The following ANKRD30B variants were observed in gnomAD, a reference collection of about 807,000 sequenced individuals.
The protein encoded by ANKRD30B is ankyrin repeat domain 30B.
ANKRD30B carries 144 observed loss-of-function variants against 202.2 expected under a neutral mutation model. That is an observed-to-expected ratio of 0.71 (90% confidence interval 0.62 to 0.82). The LOEUF is 0.82. Among genes scored for constraint, ANKRD30B ranks in the 40% least tolerant of loss-of-function variants. The pLI is 0.00. For synonymous variants in ANKRD30B, 508 were observed against 561.3 expected (o/e 0.91, Z 1.34); for missense variants, 1,487 against 1,669.1 (o/e 0.89, Z 1.90).
chr18:14,791,334 A>C, intron 15 of ANKRD30B, 67 bp from the exon 16 acceptor site: 2 of 1,361,004 alleles, frequency 1.5e-6, no homozygotes, highest in East Asian at 4.7e-5. Flanking sequence ...TCTAGTTAGA[A>C]AATTTTGATA....
the ANKRD30B span, among the ~76,000 whole-genome samples, chr18:14,864,931 C>T: frequency 6.6e-6 from 1 of 151,940 alleles, no homozygotes; most frequent in South Asian, 2.1e-4. Context: ...CAATTTTTCC[C>T]TGCCACCTTC....
chr18:14,793,653 G>T (rs1208628773), intron 16 of ANKRD30B, among the ~76,000 whole-genome samples: 1 of 152,084 alleles, frequency 6.6e-6, no homozygotes, highest in Non-Finnish European at 1.5e-5. Flanking sequence ...CCAGCACTTT[G>T]GGAGGCCGAG....
Position 14,779,961 on chromosome 18 carries a change from T to C in ANKRD30B, c.1422T>C (p.Asp474=). The stretch of plus-strand genomic sequence containing the variant: ...TGTATCTGTGATTAACATTTTTAGA[T>C]CAGATGTTCCCATCAGAATCCAAAC... ...DIKTINHKIE[D]QMFPSESKRE... Residue 474 remains aspartate (D), a splice_region_variant and synonymous_variant, in exon 11 of 44, where the codon GAT becomes GAC. Transcript: ENST00000690538. The C allele has an allele frequency of 1.3e-6, 2 of 1,596,926 alleles. No individual in the cohort carries two copies. Among genetic ancestry groups the C allele is most frequent in the Non-Finnish European group, 8.6e-7 (1 of 1,166,608 alleles).
chr18:14,922,484 T>A, the ANKRD30B span, among the ~76,000 whole-genome samples: 2 of 151,028 alleles, frequency 1.3e-5, no homozygotes, highest in Non-Finnish European at 3.0e-5. Flanking sequence ...TGAAACCCCA[T>A]CTCTACTAAA....
intron 39 of ANKRD30B, among the ~76,000 whole-genome samples, chr18:14,844,696 A>G (rs970699902): frequency 6.6e-6 from 1 of 152,170 alleles, no homozygotes; most frequent in Non-Finnish European, 1.5e-5. Context: ...TTACACTCCC[A>G]CCAACAGTGT....
the ANKRD30B span, among the ~76,000 whole-genome samples, chr18:14,861,433 T>G: frequency 2.0e-5 from 3 of 151,024 alleles, no homozygotes; most frequent in Non-Finnish European, 4.4e-5. Flanking sequence ...AAAATATTCA[T>G]CACATAAATG....
the ANKRD30B span, among the ~76,000 whole-genome samples, chr18:14,899,434 T>C: frequency 6.6e-6 from 1 of 152,172 alleles, no homozygotes; most frequent in Non-Finnish European, 1.5e-5. Flanking sequence ...ATTAAAATTC[T>C]TTCTATGCTT....
At chr18:14,749,116 A>G (rs937500976) in intron 1 of ANKRD30B, among the ~76,000 whole-genome samples, 2 of 152,214 alleles carry the variant, frequency 1.3e-5, no homozygotes, top group Non-Finnish European at 2.9e-5. Context: ...TTTGATATCA[A>G]TGAATGTCTA....
the ANKRD30B span, among the ~76,000 whole-genome samples, chr18:14,927,741 G>C: frequency 5.3e-5 from 8 of 152,050 alleles, no homozygotes; most frequent in African/African-American, 1.7e-4. Context: ...CTAAACCTTG[G>C]GCTACAGATG....
chr18:14,860,770 T>C, the ANKRD30B span, among the ~76,000 whole-genome samples: 1 of 152,162 alleles, frequency 6.6e-6, no homozygotes, highest in South Asian at 2.1e-4. Context: ...AGTGGTGTGA[T>C]GTCAGCTCAC....
At chr18:14,854,913 T>A (rs932413645), downstream of ANKRD30B, among the ~76,000 whole-genome samples, 1 of 151,936 alleles carries the variant, frequency 6.6e-6, no homozygotes, top group Non-Finnish European at 1.5e-5. Context: ...CTATGCTTTT[T>A]TTATTATTAT....
chr18:14,937,891 G>T, the ANKRD30B span, among the ~76,000 whole-genome samples: 1 of 152,204 alleles, frequency 6.6e-6, no homozygotes, highest in African/African-American at 2.4e-5. Flanking sequence ...GTCTCTGGGT[G>T]ACTGCCCCCA....
rs756071717 is a variant in ANKRD30B at position 14,779,988 on chromosome 18, A to G, written c.1449A>G (p.Arg483=). The change falls in exon 11 of 44, where the codon CGA becomes CGG. Residue 483 remains arginine (R), a synonymous_variant. Coordinates refer to ENST00000690538, the MANE Select transcript of ANKRD30B (RefSeq NM_001367607.2). ...EDQMFPSESK[R]EEDEEYSWDS... ...AGATGTTCCCATCAGAATCCAAACGAGAGGAAGATGAAGAATATTCTTGGG... is the reference window on the plus strand; with the variant it reads ...AGATGTTCCCATCAGAATCCAAACGGGAGGAAGATGAAGAATATTCTTGGG... 2 of 1,606,320 alleles carry G rather than the reference A, an allele frequency of 1.2e-6. No homozygotes were observed. Among genetic ancestry groups the G allele is most frequent in the East Asian group, 2.2e-5 (1 of 44,670 alleles).
downstream of ANKRD30B, among the ~76,000 whole-genome samples, chr18:14,855,780 A>G (rs1972078926): frequency 1.6e-5 from 2 of 128,058 alleles, no homozygotes; most frequent in Admixed American, 1.6e-4. Context: ...CTCCCAGACA[A>G]TGGGCAGCCA....
chr18:14,779,601 T>A (rs1453800167), intron 10 of ANKRD30B, among the ~76,000 whole-genome samples: 2 of 152,102 alleles, frequency 1.3e-5, no homozygotes, highest in African/African-American at 4.8e-5. Flanking sequence ...TACTAAAAAA[T>A]AAAAACAGAG....
At chr18:14,809,539 C>T (rs1290763496) in intron 26 of ANKRD30B, among the ~76,000 whole-genome samples, 2 of 150,690 alleles carry the variant, frequency 1.3e-5, no homozygotes, top group Non-Finnish European at 3.0e-5. Flanking sequence ...ACAGGCACCC[C>T]CCATGCATCT....
At chr18:14,818,932 G>C (rs1236367762) in intron 30 of ANKRD30B, among the ~76,000 whole-genome samples, 1 of 151,740 alleles carries the variant, frequency 6.6e-6, no homozygotes, top group Non-Finnish European at 1.5e-5. Flanking sequence ...CTGAGGAATC[G>C]CCACACTGAC....
At chr18:14,908,978 G>T in the ANKRD30B span, among the ~76,000 whole-genome samples, 2 of 152,292 alleles carry the variant, frequency 1.3e-5, no homozygotes, top group South Asian at 4.1e-4. Flanking sequence ...GGCCAAGAAG[G>T]GCTGGGTCTC....
intron 37 of ANKRD30B, among the ~76,000 whole-genome samples, chr18:14,842,577 A>C (rs546384369): frequency 5.5e-4 from 83 of 152,222 alleles, no homozygotes; most frequent in Non-Finnish European, 1.0e-3. Flanking sequence ...CTGGGTCATA[A>C]TTTGCTCCTC....
Sources: allele counts gnomAD v4.1 joint callset (sites outside exome capture counted in the v4.1 genomes callset), GRCh38; gene constraint gnomAD v4.1.1; transcripts MANE v1.5; gene names NCBI Gene and HGNC (gene_info 2026-07-23, HGNC 2026-07-21).